Variants in PI16 observed in about 807,000 individuals in gnomAD.
The protein encoded by PI16 is peptidase inhibitor 16.
Under a neutral mutation model 38.0 loss-of-function variants are expected in PI16, and 35 were observed. That is an observed-to-expected ratio of 0.92 (90% CI 0.70 to 1.22). The LOEUF (loss-of-function observed/expected upper bound fraction) is 1.22, where lower values mean the gene tolerates loss of function less well. Among genes scored for constraint, PI16 ranks in the 50% most tolerant of loss-of-function variants. The pLI, the probability that PI16 is intolerant of heterozygous loss-of-function variation, is 0.00. For missense variants in PI16, 572 were observed against 593.8 expected (o/e 0.96, Z 0.38); for synonymous variants, 275 against 252.9 (o/e 1.09, Z -0.83).
chr6:36,961,027 C>T (rs1320389271), intron 2 of PI16, among the ~76,000 whole-genome samples: 3 of 152,216 alleles, frequency 2.0e-5, no homozygotes, highest in Non-Finnish European at 2.9e-5. Context: ...ATGGCTCCTC[C>T]TGCTCCCCTC....
rs1333072467 is a variant in PI16 at position 36,962,313 on chromosome 6, C to A, written c.592+339C>A. Among the ~76,000 whole-genome samples, 1 of 152,140 alleles carries A rather than the reference C, an allele frequency of 6.6e-6. No individual in the cohort carries two copies. Among genetic ancestry groups the A allele is most frequent in the Non-Finnish European group, 1.5e-5 (1 of 68,030 alleles). ...GTGGGCGTGGTCAGAAGGCTTCAAA[C>A]GGGCGAGGCCAGTCTTGCTGGGGGC... is the stretch of plus-strand genomic sequence containing the variant. On this transcript the variant is annotated intron_variant, in intron 4 of 6. Transcript: ENST00000373674. The surrounding 1 kb of genome is among the most constrained non-coding windows in gnomAD (Gnocchi z 4.1).
chr6:36,961,631 C>A, intron 3 of PI16, 71 bp downstream of exon 3: 6 of 1,396,008 alleles, frequency 4.3e-6, no homozygotes, highest in South Asian at 2.3e-5. Flanking sequence ...AGGGCAGAGT[C>A]GGCCACAGCC....
chr6:36,961,667 G>C, intron 3 of PI16, 107 bp downstream of exon 3: 2 of 1,053,536 alleles, frequency 1.9e-6, no homozygotes, highest in Non-Finnish European at 2.9e-6. Context: ...AGAGGGGTCA[G>C]TCTGGAGCAA....
At chr6:36,960,359 G>GTGTT (rs1561896655) in intron 2 of PI16, among the ~76,000 whole-genome samples, 2 of 145,782 alleles carry the variant, frequency 1.4e-5, no homozygotes, top group African/African-American at 5.1e-5. Context: ...GTGTGTGTGT[G>GTGTT]TGTGTAGGGG....
At position 36,963,884 on chromosome 6, in the gene PI16, G is replaced by C. The variant is rs1454407254; in HGVS notation, c.1332G>C (p.Val444=). The change falls in exon 6 of 7, where the codon GTG becomes GTC. Residue 444 remains valine, a synonymous_variant. Transcript: ENST00000373674. ...GGCTGAACTCGGGCCCTGGTCATGT[G>C]TGGGGCCCTCTCCTGGGACTACTGC... ...VSGLNSGPGH[V]WGPLLGLLLL... 6.2e-7 allele frequency: 1 copy of C among 1,613,630 alleles called. No homozygotes were observed. Among genetic ancestry groups the C allele is most frequent in the Non-Finnish European group, 8.5e-7 (1 of 1,179,888 alleles).
chr6:36,961,507 C>G lies in PI16; in HGVS notation c.450C>G (p.Leu150=). ...IGCGSHFCEK[L]QGVEETNIEL... ...GTGGTTCCCACTTCTGTGAGAAGCTCCAGGGTGTTGAGGAGACCAACATCG... is the reference window on the plus strand; with the variant it reads ...GTGGTTCCCACTTCTGTGAGAAGCTGCAGGGTGTTGAGGAGACCAACATCG... Residue 150 remains leucine (L), a synonymous_variant, in exon 3 of 7, where the codon CTC becomes CTG. Transcript: ENST00000373674. 1 of 1,614,140 alleles carries G rather than the reference C, an allele frequency of 6.2e-7. No individual in the cohort carries two copies. Among genetic ancestry groups the G allele is most frequent in the Non-Finnish European group, 8.5e-7 (1 of 1,180,016 alleles).
upstream of PI16, among the ~76,000 whole-genome samples, chr6:36,950,244 T>C (rs1763077440): frequency 6.6e-6 from 1 of 152,206 alleles, no homozygotes; most frequent in Admixed American, 6.5e-5. This position sits in a 1 kb window ranked among gnomAD's most constrained non-coding sequence, Gnocchi z 4.2. Flanking sequence ...TCTGTCTCTA[T>C]AAATTTGCCT....
chr6:36,959,271 C>CCCA lies in PI16; in HGVS notation c.299_300insCAC (p.Pro100_Leu101insThr), dbSNP rs1203241441. On this transcript the variant is annotated inframe_insertion, in exon 2 of 7. Transcript: ENST00000373674. The stretch of plus-strand genomic sequence containing the variant: ...CATCACAGACGAGGGCATGGACGTG[C>CCCA]CGCTGGCCATGGAGGAGTGGCACCA... The CCCA allele has an allele frequency of 6.2e-7, 1 of 1,601,578 alleles. No homozygotes were observed. Among genetic ancestry groups the CCCA allele is most frequent in the Admixed American group, 1.7e-5 (1 of 58,348 alleles).
In PI16 at chr6:36,954,927, A is replaced by G; in HGVS notation, c.167A>G (p.His56Arg). 1.2e-6 allele frequency: 2 copies of G among 1,612,774 alleles called. No homozygotes were observed. The highest frequency in any genetic ancestry group is 2.2e-5 in the South Asian group (2 of 90,980). Reference protein sequence around the residue: ...QVSPTASDMLHMRWDEELAAF... With the variant: ...QVSPTASDMLRMRWDEELAAF... ...TCCCCGACGGCCTCAGACATGCTGC[A>G]CATGGTAAGTGTGGCCACGGCCCTT... is the stretch of plus-strand genomic sequence containing the variant. Residue 56 changes from histidine (H) to arginine (R), a missense_variant, in exon 1 of 7, where the codon CAC becomes CGC. Coordinates refer to ENST00000373674, the MANE Select transcript of PI16 (RefSeq NM_153370.3).
At position 36,963,129 on chromosome 6, in the gene PI16, CAGG is replaced by C; in HGVS notation, c.788_790del (p.Gln263_Ala264delinsPro). On this transcript the variant is annotated inframe_deletion, in exon 5 of 7. Coordinates refer to ENST00000373674, the MANE Select transcript of PI16 (RefSeq NM_153370.3). ...CAAGGCTCTGCCTGCTGTGGAAACC[CAGG>C]CCCCAACTTCCTTAGCAACGAAAGA... 1 of 1,614,228 alleles carries C rather than the reference CAGG, an allele frequency of 6.2e-7. No individual in the cohort carries two copies.
At chr6:36,955,053 G>A (rs1253249450) in intron 1 of PI16, 122 bp downstream of exon 1, 16 of 1,425,148 alleles carry the variant, frequency 1.1e-5, no homozygotes, top group South Asian at 3.0e-5. Flanking sequence ...CCTTTTTCTG[G>A]TCAGTGACAG....
At chr6:36,956,157 C>A (rs1763200246) in intron 1 of PI16, among the ~76,000 whole-genome samples, 1 of 152,184 alleles carries the variant, frequency 6.6e-6, no homozygotes, top group South Asian at 2.1e-4. Flanking sequence ...CCCTGGGCGT[C>A]AGACAGGATG....
Position 36,963,482 on chromosome 6 carries a change from A to G in PI16, c.1140A>G (p.Pro380=). The G allele has an allele frequency of 6.2e-7, 1 of 1,614,198 alleles. No individual in the cohort carries two copies. The highest frequency in any genetic ancestry group is 8.5e-7 in the Non-Finnish European group (1 of 1,180,038). ...LASVFPAQDK[P]GELQATLDHT... ...CAGTTTTTCCAGCCCAGGACAAGCC[A>G]GGTGAGCTGCAGGCCACACTGGACC... The change falls in exon 5 of 7, where the codon CCA becomes CCG. Residue 380 remains proline (P), a synonymous_variant. Coordinates refer to ENST00000373674, the MANE Select transcript of PI16 (RefSeq NM_153370.3).
chr6:36,961,637 C>A, intron 3 of PI16, 77 bp downstream of exon 3: 1 of 1,355,730 alleles, frequency 7.4e-7, no homozygotes, highest in Non-Finnish European at 1.1e-6. Flanking sequence ...GAGTCGGCCA[C>A]AGCCTGAGGG....
upstream of PI16, among the ~76,000 whole-genome samples, chr6:36,953,582 A>G (rs543980017): frequency 7.9e-5 from 12 of 151,528 alleles, no homozygotes; most frequent in East Asian, 2.1e-3. Context: ...TTACTTGGAG[A>G]CTCAGGCAGG....
intron 1 of PI16, chr6:36,948,509 G>A (rs1392647409): frequency 6.6e-6 from 1 of 152,072 alleles, no homozygotes; most frequent in Non-Finnish European, 1.5e-5. Context: ...TTGTTGCCTA[G>A]GCTGGTCTCA....
rs1390531559 is a variant in PI16, at chr6:36,959,210, C to G, written c.237C>G (p.Asn79Lys). Reference sequence around the variant, plus strand: ...CACGGCAGTGCGTGTGGGGCCACAACAAGGAGCGCGGGCGCCGCGGCGAGA... The same window carrying G: ...CACGGCAGTGCGTGTGGGGCCACAAGAAGGAGCGCGGGCGCCGCGGCGAGA... ...AYARQCVWGH[N>K]KERGRRGENL... The change falls in exon 2 of 7, where the codon AAC (asparagine) becomes AAG (lysine). Residue 79 changes from asparagine to lysine, a missense_variant. By Grantham distance (94) the Asn-to-Lys change is moderately conservative. Coordinates refer to ENST00000373674, the MANE Select transcript of PI16 (RefSeq NM_153370.3). 4 of 1,611,238 alleles carry G rather than the reference C, an allele frequency of 2.5e-6. No individual in the cohort carries two copies. The highest frequency in any genetic ancestry group is 3.4e-6 in the Non-Finnish European group (4 of 1,179,278).
intron 6 of PI16, 35 bp downstream of exon 6, chr6:36,963,997 C>A: frequency 1.9e-6 from 3 of 1,572,962 alleles, no homozygotes; most frequent in South Asian, 1.2e-5. Flanking sequence ...GGCCTCATAC[C>A]CACCTGGATT....
At chr6:36,957,844 C>G (rs1763246763) in intron 1 of PI16, among the ~76,000 whole-genome samples, 1 of 152,218 alleles carries the variant, frequency 6.6e-6, no homozygotes, top group Non-Finnish European at 1.5e-5. Context: ...GGGGATCCAT[C>G]CATGCCCTAC....
Sources: allele counts gnomAD v4.1 joint callset (sites outside exome capture counted in the v4.1 genomes callset), GRCh38; gene constraint gnomAD v4.1.1; non-coding constraint Gnocchi (gnomAD v3.1); transcripts MANE v1.5; gene names NCBI Gene and HGNC (gene_info 2026-07-23, HGNC 2026-07-21).